GALNT9: variants seen among roughly 807,000 people sequenced by gnomAD.
GALNT9 encodes polypeptide N-acetylgalactosaminyltransferase 9.
GALNT9 carries 47 observed loss-of-function variants against 63.1 expected under a neutral mutation model. The observed-to-expected ratio is 0.75, with a 90% confidence interval of 0.59 to 0.95. The LOEUF (loss-of-function observed/expected upper bound fraction) is 0.95, where lower values mean the gene tolerates loss of function less well. GALNT9 is among the 40% of genes least tolerant of loss of function. The probability of loss-of-function intolerance (pLI) is 0.00; values close to 1 mark genes in which losing one functional copy is unlikely to be tolerated. For synonymous variants in GALNT9, 396 were observed against 365.7 expected (o/e 1.08, Z -0.94); for missense variants, 829 against 874.8 (o/e 0.95, Z 0.66).
chr12:132,240,665 G>C, intron 6 of GALNT9: 1 of 455,730 alleles, frequency 2.2e-6, no homozygotes, highest in Non-Finnish European at 4.4e-6. Flanking sequence ...ACTCTCTGCC[G>C]TGTTTTTCTT....
intron 2 of GALNT9, among the ~76,000 whole-genome samples, 174 bp from the exon 3 acceptor site, chr12:132,262,799 G>C (rs1372352990): frequency 6.6e-6 from 1 of 152,016 alleles, no homozygotes; most frequent in Non-Finnish European, 1.5e-5. Flanking sequence ...ACACGGTTTG[G>C]GGTGTGGTCA....
At chr12:132,326,581 G>A (rs1374459227) in intron 1 of GALNT9, among the ~76,000 whole-genome samples, 1 of 152,172 alleles carries the variant, frequency 6.6e-6, no homozygotes, top group Admixed American at 6.5e-5. Context: ...CAGCTCCCAT[G>A]AAGACGTGGA....
intron 1 of GALNT9, among the ~76,000 whole-genome samples, chr12:132,303,937 TCGCCCGGGCA>T (rs1881439761): frequency 2.1e-5 from 1 of 48,048 alleles, no homozygotes; most frequent in Admixed American, 2.2e-4. Context: ...AGACACACCC[TCGCCCGGGCA>T]CACCCTCACC....
intron 1 of GALNT9, among the ~76,000 whole-genome samples, chr12:132,291,504 GT>G (rs1880843393): frequency 2.0e-5 from 2 of 98,654 alleles, no homozygotes; most frequent in Admixed American, 1.0e-4. Flanking sequence ...CAGCGCCCAC[GT>G]CCACACCACC....
At chr12:132,203,814 C>T (rs1273700213) in intron 6 of GALNT9, 124 bp from the exon 7 acceptor site, 9 of 1,029,872 alleles carry the variant, frequency 8.7e-6, no homozygotes, top group Admixed American at 8.3e-5. Flanking sequence ...CCACCACCGA[C>T]GGGCCTGGTG....
At chr12:132,261,152 G>C (rs782477007) in intron 3 of GALNT9, 30 bp from the exon 4 acceptor site, 1 of 1,543,320 alleles carries the variant, frequency 6.5e-7, no homozygotes, top group South Asian at 1.2e-5. Flanking sequence ...TAGCACGCTG[G>C]CAGGTGCTGG....
At chr12:132,258,838 A>G (rs1251684974) in intron 4 of GALNT9, among the ~76,000 whole-genome samples, 2 of 152,188 alleles carry the variant, frequency 1.3e-5, no homozygotes, top group Non-Finnish European at 2.9e-5. Flanking sequence ...ATGGCCGCAG[A>G]GGCCCGCCGT....
At chr12:132,220,513 G>A (rs909695614) in intron 6 of GALNT9, among the ~76,000 whole-genome samples, 2 of 152,240 alleles carry the variant, frequency 1.3e-5, no homozygotes. Flanking sequence ...TCTCCTAAAT[G>A]TAAGATGCAG....
At chr12:132,226,970 A>G (rs1877719265) in intron 6 of GALNT9, among the ~76,000 whole-genome samples, 1 of 146,988 alleles carries the variant, frequency 6.8e-6, no homozygotes, top group Admixed American at 6.8e-5. Flanking sequence ...CACTGTATAC[A>G]CACCCCACAC....
In GALNT9 at chr12:132,319,724, C is replaced by T. The variant is rs1555245971; in HGVS notation, c.238+9242G>A. On this transcript the variant is annotated intron_variant, in intron 1 of 10. Coordinates refer to ENST00000328957, the MANE Select transcript of GALNT9 (RefSeq NM_001122636.2). The surrounding 1 kb of genome is among the most constrained non-coding windows in gnomAD (Gnocchi z 5.2). ...ACACACAGCTGTACCCGGCACAACA[C>T]GCGGCCACAGGTCACCTCAGGTCGC... is the stretch of plus-strand genomic sequence containing the variant. 6.6e-6 allele frequency among the ~76,000 whole-genome samples: 1 copy of T among 152,236 alleles called. No homozygotes were observed. The highest frequency in any genetic ancestry group is 6.5e-5 in the Admixed American group (1 of 15,292).
rs1458611259 is a variant in GALNT9, at chr12:132,243,172, A to C, written c.1077+4738T>G. Reference sequence around the variant, plus strand: ...ACCCCCTTCCCGGGGCCCTCCCTATACCCATTACACACACGCCACACACCC... The same window carrying C: ...ACCCCCTTCCCGGGGCCCTCCCTATCCCCATTACACACACGCCACACACCC... On this transcript the variant is annotated intron_variant, in intron 6 of 10. Transcript: ENST00000328957. Among the ~76,000 whole-genome samples the C allele has an allele frequency of 6.7e-3, 739 of 111,016 alleles. 3 individuals carry two copies. The highest frequency in any genetic ancestry group is 0.035 in the Middle Eastern group (5 of 144). The allele number at this position is 111,016 out of a possible 152,430, so 72.8% of individuals were successfully genotyped here. A position where few individuals can be genotyped will look rare whatever the true frequency, so the allele number is the denominator to read the frequency against.
rs1566023356 is a variant in GALNT9 at position 132,316,977 on chromosome 12, G to C, written c.238+11989C>G. Among the ~76,000 whole-genome samples, 1 of 140,504 alleles carries C rather than the reference G, an allele frequency of 7.1e-6. No individual in the cohort carries two copies. The highest frequency in any genetic ancestry group is 1.5e-5 in the Non-Finnish European group (1 of 64,984). The allele number at this position is 140,504 out of a possible 152,430, so 92.2% of individuals were successfully genotyped here. A position where few individuals can be genotyped will look rare whatever the true frequency, so the allele number is the denominator to read the frequency against. On this transcript the variant is annotated intron_variant, in intron 1 of 10. Transcript: ENST00000328957. This position sits in a 1 kb window ranked among gnomAD's most constrained non-coding sequence, Gnocchi z 4.3. ...CTGCACCCTACACCCCACGGAGCAT[G>C]GTCCTATTCTACACCCACAGAGCAC...
chr12:132,237,514 C>A (rs1878049319), intron 6 of GALNT9, among the ~76,000 whole-genome samples: 1 of 152,132 alleles, frequency 6.6e-6, no homozygotes. Context: ...CCTGCTGACA[C>A]CTGCATACAG....
intron 1 of GALNT9, among the ~76,000 whole-genome samples, chr12:132,307,663 C>G (rs539365581): frequency 1.0e-5 from 1 of 99,360 alleles, no homozygotes; most frequent in South Asian, 4.4e-4. Flanking sequence ...GAAACCTCAT[C>G]TCTACTAAAA....
At chr12:132,207,908 C>G (rs1365751001) in intron 6 of GALNT9, among the ~76,000 whole-genome samples, 3 of 152,140 alleles carry the variant, frequency 2.0e-5, no homozygotes, top group Non-Finnish European at 2.9e-5. Flanking sequence ...CAAGACAGCC[C>G]CCACCCCCCA....
At chr12:132,305,056 A>C (rs1273679459) in intron 1 of GALNT9, among the ~76,000 whole-genome samples, 34 of 16,812 alleles carry the variant, frequency 2.0e-3, no homozygotes, top group Admixed American at 2.5e-3. Context: ...CGGGCACAGA[A>C]TCGCCCAGAC....
intron 2 of GALNT9, among the ~76,000 whole-genome samples, chr12:132,270,993 C>T (rs868956211): frequency 1.3e-5 from 2 of 151,934 alleles, no homozygotes; most frequent in Non-Finnish European, 2.9e-5. Context: ...GCAGAGAGAA[C>T]GAGACAACAG....
chr12:132,201,760 G>T (rs570715318), intron 7 of GALNT9, among the ~76,000 whole-genome samples: 1 of 152,074 alleles, frequency 6.6e-6, no homozygotes, highest in African/African-American at 2.4e-5. Context: ...GACCCCCCGC[G>T]GGGGGACACC....
At chr12:132,307,089 G>T (rs1555244726) in intron 1 of GALNT9, among the ~76,000 whole-genome samples, 2 of 152,114 alleles carry the variant, frequency 1.3e-5, no homozygotes, top group African/African-American at 2.4e-5. Flanking sequence ...CCTGAGGAGA[G>T]CAGTCAGGGA....
Sources: allele counts gnomAD v4.1 joint callset (sites outside exome capture counted in the v4.1 genomes callset), GRCh38; gene constraint gnomAD v4.1.1; non-coding constraint Gnocchi (gnomAD v3.1); transcripts MANE v1.5; gene names NCBI Gene and HGNC (gene_info 2026-07-23, HGNC 2026-07-21).